C19orf73: variants seen among roughly 807,000 people sequenced by gnomAD.
The protein encoded by C19orf73 is putative uncharacterized protein C19orf73.
For missense variants in C19orf73, 211 were observed against 177.6 expected, an observed-to-expected ratio of 1.19 and a Z score of -1.07; for synonymous variants, 86 against 79.1, an observed-to-expected ratio of 1.09 and a Z score of -0.46.
chr19:49,118,485 C>T lies in C19orf73; in HGVS notation c.*148G>A. The stretch of plus-strand genomic sequence containing the variant: ...ACTGAGTGTCTGTGTGTCTGTCCTG[C>T]ATCCCTGGGTTGGTGTCTTGAGATG... On this transcript the variant is annotated 3_prime_UTR_variant, in exon 1 of 1. Coordinates refer to ENST00000408991, the MANE Select transcript of C19orf73 (RefSeq NM_018111.3). The T allele has an allele frequency of 1.3e-6, 2 of 1,565,654 alleles. No homozygotes were observed. The highest frequency in any genetic ancestry group is 1.8e-6 in the Non-Finnish European group (2 of 1,137,226).
the C19orf73 span, chr19:49,118,701 CAA>C: frequency 6.2e-7 from 1 of 1,614,046 alleles, no homozygotes; most frequent in Non-Finnish European, 8.5e-7. Context: ...GAACTGAGGA[CAA>C]CGCTGCCTAC....
Position 49,118,701 on chromosome 19 carries a change from C to G in C19orf73, c.322G>C (p.Val108Leu), listed in dbSNP as rs368548388. The G allele has an allele frequency of 5.0e-6, 8 of 1,613,928 alleles. No homozygotes were observed. In the Admixed American group the frequency reaches 8.3e-5, roughly 17 times the overall value. Residue 108 changes from valine (V) to leucine (L), a missense_variant, in exon 1 of 1, where the codon GTC becomes CTC. Val to Leu is a conservative substitution (Grantham distance 32). Transcript: ENST00000408991. ...CTGAGTGCTGGGGCAGAACTGAGGA[C>G]AACGCTGCCTACCCTTAAGAGCGTC... is the stretch of plus-strand genomic sequence containing the variant. The part of the protein sequence containing the change: ...PQTLLRVGSV[V>L]LSSAPALRPR...
Position 49,118,652 on chromosome 19 carries a change from C to A in C19orf73, c.371G>T (p.Arg124Leu), listed in dbSNP as rs1384252167. The part of the protein sequence containing the change: ...ALRPRLGPCL[R>L]PPPSD The stretch of plus-strand genomic sequence containing the variant: ...AAGAGACTAGTCCGAGGGCGGAGGG[C>A]GGAGGCAGGGACCCAGTCTGGGTCT... Residue 124 changes from arginine (R) to leucine (L), a missense_variant, in exon 1 of 1, where the codon CGC becomes CTC. Transcript: ENST00000408991. The A allele has an allele frequency of 2.5e-6, 4 of 1,610,098 alleles. No homozygotes were observed. The highest frequency in any genetic ancestry group is 3.4e-6 in the Non-Finnish European group (4 of 1,177,280).
chr19:49,118,481 C>T lies in C19orf73; in HGVS notation c.*152G>A. The stretch of plus-strand genomic sequence containing the variant: ...CCTCACTGAGTGTCTGTGTGTCTGT[C>T]CTGCATCCCTGGGTTGGTGTCTTGA... On this transcript the variant is annotated 3_prime_UTR_variant, in exon 1 of 1. Transcript: ENST00000408991. 1.3e-6 allele frequency: 2 copies of T among 1,565,758 alleles called. No individual in the cohort carries two copies. Among genetic ancestry groups the T allele is most frequent in the African/African-American group, 1.4e-5 (1 of 73,992 alleles).
chr19:49,118,717 T>C lies in C19orf73; in HGVS notation c.306A>G (p.Leu102=). 1 of 1,614,048 alleles carries C rather than the reference T, an allele frequency of 6.2e-7. No individual in the cohort carries two copies. The highest frequency in any genetic ancestry group is 8.5e-7 in the Non-Finnish European group (1 of 1,179,910). Residue 102 remains leucine, a synonymous_variant, in exon 1 of 1, where the codon TTA becomes TTG. Coordinates refer to ENST00000408991, the MANE Select transcript of C19orf73 (RefSeq NM_018111.3). The part of the protein sequence containing the change: ...KGLGLRPQTL[L]RVGSVVLSSA... The stretch of plus-strand genomic sequence containing the variant: ...AACTGAGGACAACGCTGCCTACCCT[T>C]AAGAGCGTCTGAGGGCGAAGGCCAA...
chr19:49,118,742 A>AG, the C19orf73 span: 2 of 1,614,222 alleles, frequency 1.2e-6, no homozygotes, highest in Admixed American at 3.3e-5. Flanking sequence ...GCGAAGGCCA[A>AG]GTCCCTTCCT....
In C19orf73 at chr19:49,118,990, G is replaced by T; in HGVS notation, c.33C>A (p.Gly11=). 6.2e-7 allele frequency: 1 copy of T among 1,613,672 alleles called. No homozygotes were observed. Among genetic ancestry groups the T allele is most frequent in the East Asian group, 2.2e-5 (1 of 44,860 alleles). The change falls in exon 1 of 1, where the codon GGC becomes GGA. Residue 11 remains glycine, a synonymous_variant. Coordinates refer to ENST00000408991, the MANE Select transcript of C19orf73 (RefSeq NM_018111.3). MRLKVGFQGG[G]CFRKDALCLE... Reference sequence around the variant, plus strand: ...AACACAGCGCGTCTTTCCGGAAGCAGCCCCCGCCTTGAAATCCAACCTTTA... The same window carrying T: ...AACACAGCGCGTCTTTCCGGAAGCATCCCCCGCCTTGAAATCCAACCTTTA...
At position 49,118,456 on chromosome 19, in the gene C19orf73, CCTCA is replaced by C; in HGVS notation, c.*173_*176del. 6.4e-7 allele frequency: 1 copy of C among 1,562,196 alleles called. No individual in the cohort carries two copies. The highest frequency in any genetic ancestry group is 8.8e-7 in the Non-Finnish European group (1 of 1,132,852). On this transcript the variant is annotated 3_prime_UTR_variant, in exon 1 of 1. Transcript: ENST00000408991. ...GGCACTTTATTTAAAGATATTTGAC[CCTCA>C]CTGAGTGTCTGTGTGTCTGTCCTGC...
rs1314342880 is a variant in C19orf73 at position 49,118,578 on chromosome 19, G to C, written c.*55C>G. 6.3e-7 allele frequency: 1 copy of C among 1,575,804 alleles called. No homozygotes were observed. Among genetic ancestry groups the C allele is most frequent in the Non-Finnish European group, 8.6e-7 (1 of 1,159,916 alleles). On this transcript the variant is annotated 3_prime_UTR_variant, in exon 1 of 1. Coordinates refer to ENST00000408991, the MANE Select transcript of C19orf73 (RefSeq NM_018111.3). ...AAGCCTTTTCCAGAGTCTGAGAACAGAGGTTAAGACCTCTCCCTAGGTCTG... is the reference window on the plus strand; with the variant it reads ...AAGCCTTTTCCAGAGTCTGAGAACACAGGTTAAGACCTCTCCCTAGGTCTG...
At position 49,118,611 on chromosome 19, in the gene C19orf73, A is replaced by C; in HGVS notation, c.*22T>G. ...GACCTCTCCCTAGGTCTGAAGGCGG[A>C]GACAGGCCGGCTTCCAAGAGACTAG... On this transcript the variant is annotated 3_prime_UTR_variant, in exon 1 of 1. Coordinates refer to ENST00000408991, the MANE Select transcript of C19orf73 (RefSeq NM_018111.3). 6.3e-7 allele frequency: 1 copy of C among 1,595,928 alleles called. No individual in the cohort carries two copies.
chr19:49,118,583 T>A lies in C19orf73; in HGVS notation c.*50A>T. On this transcript the variant is annotated 3_prime_UTR_variant, in exon 1 of 1. Transcript: ENST00000408991. ...TTTTCCAGAGTCTGAGAACAGAGGT[T>A]AAGACCTCTCCCTAGGTCTGAAGGC... is the stretch of plus-strand genomic sequence containing the variant. 1 of 1,580,030 alleles carries A rather than the reference T, an allele frequency of 6.3e-7. No individual in the cohort carries two copies. The highest frequency in any genetic ancestry group is 8.6e-7 in the Non-Finnish European group (1 of 1,161,834).
rs1453029018 is a variant in C19orf73 at position 49,118,926 on chromosome 19, G to A, written c.97C>T (p.His33Tyr). Residue 33 changes from histidine to tyrosine, a missense_variant, in exon 1 of 1, where the codon CAT (histidine) becomes TAT (tyrosine). By Grantham distance (83) the His-to-Tyr change is moderately conservative. Transcript: ENST00000408991. ...GVSARWARAP[H>Y]SAPLRPPREL... ...CGAGGCGGGCGCAGGGGTGCAGAATGAGGTGCCCTCGCCCACCGGGCGCTC... is the reference window on the plus strand; with the variant it reads ...CGAGGCGGGCGCAGGGGTGCAGAATAAGGTGCCCTCGCCCACCGGGCGCTC... The A allele has an allele frequency of 6.2e-7, 1 of 1,613,408 alleles. No homozygotes were observed. Among genetic ancestry groups the A allele is most frequent in the Non-Finnish European group, 8.5e-7 (1 of 1,179,736 alleles).
Position 49,118,771 on chromosome 19 carries a change from G to A in C19orf73, c.252C>T (p.Gly84=). ...CCTTCCTCCAGAGTCCTGAAACGCA[G>A]CCGGAGCCAGTGGGCGGCCTCTGTG... ...PPTQRPPTGS[G]CVSGLWRKGL... is the part of the protein sequence containing the mutation. Residue 84 remains glycine (G), a synonymous_variant, in exon 1 of 1, where the codon GGC becomes GGT. Coordinates refer to ENST00000408991, the MANE Select transcript of C19orf73 (RefSeq NM_018111.3). 2 of 1,614,226 alleles carry A rather than the reference G, an allele frequency of 1.2e-6. No individual in the cohort carries two copies. The highest frequency in any genetic ancestry group is 1.3e-5 in the African/African-American group (1 of 75,076).
rs1214636198 is a variant in C19orf73, at chr19:49,118,410, T to C, written c.*223A>G. The C allele has an allele frequency of 6.2e-7, 1 of 1,610,954 alleles. No homozygotes were observed. Reference sequence around the variant, plus strand: ...TGGACGTTCACGTGCACTCTCTTCCTGTACAGTATTTATTGTTCCTGGCAC... The same window carrying C: ...TGGACGTTCACGTGCACTCTCTTCCCGTACAGTATTTATTGTTCCTGGCAC... On this transcript the variant is annotated 3_prime_UTR_variant, in exon 1 of 1. Coordinates refer to ENST00000408991, the MANE Select transcript of C19orf73 (RefSeq NM_018111.3).
chr19:49,119,083 G>T lies in C19orf73; in HGVS notation c.-61C>A, dbSNP rs780700128. On this transcript the variant is annotated 5_prime_UTR_variant, in exon 1 of 1. Coordinates refer to ENST00000408991, the MANE Select transcript of C19orf73 (RefSeq NM_018111.3). Reference sequence around the variant, plus strand: ...GCGAGGGCTAGTGCGCGCCACTGCCGGGAGCCGGGGTCGCGACTCGCGTTC... The same window carrying T: ...GCGAGGGCTAGTGCGCGCCACTGCCTGGAGCCGGGGTCGCGACTCGCGTTC... 5 of 1,601,304 alleles carry T rather than the reference G, an allele frequency of 3.1e-6. No homozygotes were observed.
At position 49,118,906 on chromosome 19, in the gene C19orf73, C is replaced by A; in HGVS notation, c.117G>T (p.Pro39=). Residue 39 remains proline (P), a synonymous_variant, in exon 1 of 1, where the codon CCG becomes CCT. Coordinates refer to ENST00000408991, the MANE Select transcript of C19orf73 (RefSeq NM_018111.3). ...ARAPHSAPLR[P]PRELHAAPPP... ...GGGGTGCCGCGTGCAGTTCCCGAGGCGGGCGCAGGGGTGCAGAATGAGGTG... is the reference window on the plus strand; with the variant it reads ...GGGGTGCCGCGTGCAGTTCCCGAGGAGGGCGCAGGGGTGCAGAATGAGGTG... 6.2e-7 allele frequency: 1 copy of A among 1,613,200 alleles called. No individual in the cohort carries two copies. The highest frequency in any genetic ancestry group is 8.5e-7 in the Non-Finnish European group (1 of 1,179,560).
Position 49,118,640 on chromosome 19 carries a change from G to A in C19orf73, c.383C>T (p.Ser128Leu), listed in dbSNP as rs756007793. 3 of 1,607,616 alleles carry A rather than the reference G, an allele frequency of 1.9e-6. No individual in the cohort carries two copies. The highest frequency in any genetic ancestry group is 2.6e-6 in the Non-Finnish European group (3 of 1,175,732). The change falls in exon 1 of 1, where the codon TCG (serine) becomes TTG (leucine). Residue 128 changes from serine (S) to leucine (L), a missense_variant. By Grantham distance (145) the Ser-to-Leu change is moderately radical (BLOSUM62 -2). Transcript: ENST00000408991. ...RLGPCLRPPP[S>L]D ...AGGCCGGCTTCCAAGAGACTAGTCC[G>A]AGGGCGGAGGGCGGAGGCAGGGACC...
chr19:49,118,972 C>T lies in C19orf73; in HGVS notation c.51G>A (p.Ala17=). Residue 17 remains alanine, a synonymous_variant, in exon 1 of 1, where the codon GCG becomes GCA. Transcript: ENST00000408991. ...CGCTCACTCCACCTTCCAAACACAG[C>T]GCGTCTTTCCGGAAGCAGCCCCCGC... The part of the protein sequence containing the change: ...FQGGGCFRKD[A]LCLEGGVSAR... 1 of 1,613,692 alleles carries T rather than the reference C, an allele frequency of 6.2e-7. No individual in the cohort carries two copies. Among genetic ancestry groups the T allele is most frequent in the Non-Finnish European group, 8.5e-7 (1 of 1,179,850 alleles).
At position 49,118,523 on chromosome 19, in the gene C19orf73, G is replaced by A; in HGVS notation, c.*110C>T. On this transcript the variant is annotated 3_prime_UTR_variant, in exon 1 of 1. Coordinates refer to ENST00000408991, the MANE Select transcript of C19orf73 (RefSeq NM_018111.3). The stretch of plus-strand genomic sequence containing the variant: ...GTGTCTTGAGATGTGGAGGGAATGC[G>A]AGGAGCTGAGGTCAGGCCAAGCCGT... 6.4e-7 allele frequency: 1 copy of A among 1,567,448 alleles called. No homozygotes were observed. The highest frequency in any genetic ancestry group is 8.7e-7 in the Non-Finnish European group (1 of 1,145,826).
Sources: allele counts gnomAD v4.1 joint callset, GRCh38; gene constraint gnomAD v4.1.1; transcripts MANE v1.5; gene names NCBI Gene and HGNC (gene_info 2026-07-23, HGNC 2026-07-21).